MYOM3: variants seen among roughly 807,000 people sequenced by gnomAD.
The protein encoded by MYOM3 is myomesin-3.
A neutral mutation model predicts 191.7 loss-of-function variants in MYOM3; 155 were observed. The observed-to-expected ratio is 0.81, with a 90% CI of 0.71 to 0.92. The LOEUF (loss-of-function observed/expected upper bound fraction) is 0.92. MYOM3 is among the 40% of genes least tolerant of loss of function. MYOM3 has a pLI of 0.00. For missense variants in MYOM3, 1,889 were observed against 1,890.6 expected (o/e 1.00, Z 0.02); for synonymous variants, 757 against 762.9 (o/e 0.99, Z 0.13).
intron 15 of MYOM3, among the ~76,000 whole-genome samples, chr1:24,085,204 A>AGATGGATGGATGAATG (rs1462542609): frequency 7.0e-6 from 1 of 143,028 alleles, no homozygotes; most frequent in Non-Finnish European, 1.5e-5. Flanking sequence ...ATGGATGGAT[A>AGATGGATGGATGAATG]GATGGATGGA....
intron 6 of MYOM3, among the ~76,000 whole-genome samples, chr1:24,098,904 C>G (rs1487399924): frequency 1.3e-5 from 2 of 152,158 alleles, no homozygotes; most frequent in African/African-American, 4.8e-5. Context: ...CACACCAGGC[C>G]CTGTCGCATA....
rs1213444062 is a variant in MYOM3 at position 24,090,907 on chromosome 1, T to C, written c.1322A>G (p.Gln441Arg). Residue 441 changes from glutamine to arginine, a missense_variant, in exon 12 of 37, where the codon CAG becomes CGG. Gln to Arg is a conservative substitution (Grantham distance 43). Transcript: ENST00000374434. ...GGCTCTCACCCGGAACCGATAGCTCTGACCTTCGACGAGGCCTTGGATTGG... is the reference window on the plus strand; with the variant it reads ...GGCTCTCACCCGGAACCGATAGCTCCGACCTTCGACGAGGCCTTGGATTGG... ...RCPIQGLVEG[Q>R]SYRFRVRAIS... 4 of 1,614,052 alleles carry C rather than the reference T, an allele frequency of 2.5e-6. No homozygotes were observed. In the Admixed American group the frequency reaches 6.7e-5, roughly 27 times the overall value.
chr1:24,082,483 C>T (rs764868027), intron 17 of MYOM3, 110 bp downstream of exon 17: 38 of 1,373,664 alleles, frequency 2.8e-5, no homozygotes, highest in South Asian at 9.3e-5. Context: ...CCTCAGAGGG[C>T]GTATGTGCCA....
At chr1:24,059,118 CT>C in intron 35 of MYOM3, 139 bp from the exon 36 acceptor site, 1 of 674,464 alleles carries the variant, frequency 1.5e-6, no homozygotes, top group Non-Finnish European at 2.6e-6. Flanking sequence ...GGATGGAAAT[CT>C]TTTTTAAATT....
intron 20 of MYOM3, among the ~76,000 whole-genome samples, chr1:24,079,456 C>T (rs1471235952): frequency 6.6e-6 from 1 of 152,102 alleles, no homozygotes; most frequent in Non-Finnish European, 1.5e-5. Flanking sequence ...ACCTCGGCCT[C>T]CTCAGAGTGC....
At chr1:24,075,520 T>C in intron 21 of MYOM3, 45 bp from the exon 22 acceptor site, 1 of 1,516,488 alleles carries the variant, frequency 6.6e-7, no homozygotes, top group South Asian at 1.3e-5. Flanking sequence ...TTATGCATAA[T>C]AAACCAGGTC....
At position 24,090,922 on chromosome 1, in the gene MYOM3, C is replaced by T. The variant is rs1557612496; in HGVS notation, c.1307G>A (p.Gly436Asp). The T allele has an allele frequency of 4.3e-6, 7 of 1,614,134 alleles. No homozygotes were observed. Among genetic ancestry groups the T allele is most frequent in the Non-Finnish European group, 5.9e-6 (7 of 1,179,996 alleles). Residue 436 changes from glycine (G) to aspartate (D), a missense_variant, in exon 12 of 37, where the codon GGC becomes GAC. Coordinates refer to ENST00000374434, the MANE Select transcript of MYOM3 (RefSeq NM_152372.4). ...PGGTCRCPIQ[G>D]LVEGQSYRFR... ...CCGATAGCTCTGACCTTCGACGAGG[C>T]CTTGGATTGGGCACCGACAAGTCCC... is the stretch of plus-strand genomic sequence containing the variant.
Position 24,084,074 on chromosome 1 carries a change from C to G in MYOM3, c.1970+394G>C, listed in dbSNP as rs79057556. The G allele has an allele frequency of 3.1e-3, 679 of 219,954 alleles. 4 individuals carry two copies. Among genetic ancestry groups the G allele is most frequent in the African/African-American group, 0.015 (649 of 43,486 alleles). The allele number at this position is 219,954 out of a possible 1,614,324, so 13.6% of individuals were successfully genotyped here. Reference sequence around the variant, plus strand: ...GGAAGAGGGGTGATCTGGTTTGGCTCTGTACTCCCACTCAAATCTCATGTT... The same window carrying G: ...GGAAGAGGGGTGATCTGGTTTGGCTGTGTACTCCCACTCAAATCTCATGTT... On this transcript the variant is annotated intron_variant, in intron 16 of 36. Transcript: ENST00000374434.
At position 24,087,400 on chromosome 1, in the gene MYOM3, T is replaced by G. The variant is rs1210075652; in HGVS notation, c.1615-573A>C. 6.6e-6 allele frequency among the ~76,000 whole-genome samples: 1 copy of G among 152,160 alleles called. No individual in the cohort carries two copies. The highest frequency in any genetic ancestry group is 1.9e-4 in the East Asian group (1 of 5,176). ...GCACGTGTCAGACCAGGTCCCTGTCTGCCCAGAACCCTCCCACGTCCCGCA... is the reference window on the plus strand; with the variant it reads ...GCACGTGTCAGACCAGGTCCCTGTCGGCCCAGAACCCTCCCACGTCCCGCA... On this transcript the variant is annotated intron_variant, in intron 14 of 36. Transcript: ENST00000374434. The surrounding 1 kb of genome is among the most constrained non-coding windows in gnomAD (Gnocchi z 4.5).
rs969529336 is a variant in MYOM3, at chr1:24,087,222, T to C, written c.1615-395A>G. 1.3e-5 allele frequency among the ~76,000 whole-genome samples: 2 copies of C among 152,128 alleles called. No homozygotes were observed. The highest frequency in any genetic ancestry group is 4.8e-5 in the African/African-American group (2 of 41,430). ...TTACCCAGAAACCAGCCATGCCTTA[T>C]TGTCCTCATGCTCCCCACCATAACC... On this transcript the variant is annotated intron_variant, in intron 14 of 36. Coordinates refer to ENST00000374434, the MANE Select transcript of MYOM3 (RefSeq NM_152372.4). This position sits in a 1 kb window ranked among gnomAD's most constrained non-coding sequence, Gnocchi z 4.5.
chr1:24,103,181 C>T (rs553556423), intron 5 of MYOM3, among the ~76,000 whole-genome samples: 6 of 152,370 alleles, frequency 3.9e-5, no homozygotes, highest in East Asian at 1.9e-4. Context: ...GTGCCAGGGC[C>T]GCGCAGAGCT....
intron 9 of MYOM3, among the ~76,000 whole-genome samples, chr1:24,094,168 C>CTTTTTTTTT (rs746164315): frequency 7.9e-6 from 1 of 126,304 alleles, no homozygotes; most frequent in African/African-American, 3.1e-5. Flanking sequence ...CCCTCACTCA[C>CTTTTTTTTT]TTTTTTTTTT....
intron 21 of MYOM3, 144 bp downstream of exon 21, chr1:24,076,015 C>A (rs547469931): frequency 4.8e-6 from 3 of 626,250 alleles, no homozygotes; most frequent in Non-Finnish European, 8.5e-6. Context: ...GGGATGATGA[C>A]CCCTCCCTCA....
intron 20 of MYOM3, among the ~76,000 whole-genome samples, chr1:24,077,878 T>C (rs1343602707): frequency 6.6e-6 from 1 of 152,218 alleles, no homozygotes; most frequent in Non-Finnish European, 1.5e-5. Context: ...GGGGAAGACC[T>C]CAAGGTCTCA....
chr1:24,102,442 G>C (rs1643944118), intron 5 of MYOM3, among the ~76,000 whole-genome samples: 1 of 152,018 alleles, frequency 6.6e-6, no homozygotes, highest in Non-Finnish European at 1.5e-5. Context: ...GAGACAGCTG[G>C]AGACCTCAAC....
chr1:24,076,507 C>CTT (rs558326490), intron 20 of MYOM3, among the ~76,000 whole-genome samples: 2,005 of 49,082 alleles, frequency 0.041, 283 homozygotes, highest in Middle Eastern at 0.088. Context: ...CCTAATGTTT[C>CTT]TTTTTTTTTT....
In MYOM3 at chr1:24,094,888, A is replaced by G; in HGVS notation, c.893T>C (p.Val298Ala). The change falls in exon 9 of 37, where the codon GTG becomes GCG. Residue 298 changes from valine (V) to alanine (A), a missense_variant. By Grantham distance (64) the Val-to-Ala change is moderately conservative. Coordinates refer to ENST00000374434, the MANE Select transcript of MYOM3 (RefSeq NM_152372.4). ...FSLSCLFSED[V>A]LDAESIQWFR... is the part of the protein sequence containing the mutation. ...CCACTGGATGCTCTCAGCATCTAAC[A>G]CATCTTCCGAAAACAAGCATGACAG... The G allele has an allele frequency of 1.9e-6, 3 of 1,613,998 alleles. No individual in the cohort carries two copies. Among genetic ancestry groups the G allele is most frequent in the South Asian group, 1.1e-5 (1 of 91,050 alleles).
chr1:24,101,354 T>C (rs1211634513), intron 5 of MYOM3, among the ~76,000 whole-genome samples: 1 of 152,014 alleles, frequency 6.6e-6, no homozygotes, highest in Non-Finnish European at 1.5e-5. Flanking sequence ...AAAACAAAAC[T>C]CCAGGTCCAG....
Position 24,080,091 on chromosome 1 carries a change from G to A in MYOM3, c.2511C>T (p.His837=), listed in dbSNP as rs371913770. 3.7e-6 allele frequency: 6 copies of A among 1,614,174 alleles called. No homozygotes were observed. Among genetic ancestry groups the A allele is most frequent in the South Asian group, 3.3e-5 (3 of 91,078 alleles). The change falls in exon 20 of 37, where the codon CAC becomes CAT. Residue 837 remains histidine, a synonymous_variant. Transcript: ENST00000374434. Reference sequence around the variant, plus strand: ...CAGAGCCTTCCTCCTGGAAACTGACGTGATAGCCTGTGACAGGCCCAGCCC... The same window carrying A: ...CAGAGCCTTCCTCCTGGAAACTGACATGATAGCCTGTGACAGGCCCAGCCC... ...YMGAGPVTGY[H]VSFQEEGSEQ...
Sources: gnomAD v4.1 joint callset for allele counts (sites outside exome capture counted in the v4.1 genomes callset) on GRCh38, gnomAD v4.1.1 for gene constraint, Gnocchi (gnomAD v3.1) non-coding constraint, MANE v1.5 for transcripts, NCBI Gene and HGNC (gene_info 2026-07-23, HGNC 2026-07-21) for gene names.